The following TMC2 variants were observed in gnomAD, a reference collection of about 807,000 sequenced individuals.
The protein encoded by TMC2 is transmembrane channel like 2.
TMC2 carries 102 observed loss-of-function variants against 105.9 expected under a neutral mutation model. The ratio of observed to expected loss-of-function variants is 0.96; its 90% CI spans 0.82 to 1.14. The LOEUF (loss-of-function observed/expected upper bound fraction) is 1.14, where lower values mean the gene tolerates loss of function less well. Among genes scored for constraint, TMC2 ranks in the 50% most tolerant of loss-of-function variants. The pLI, the probability that TMC2 is intolerant of heterozygous loss-of-function variation, is 0.00. For synonymous variants in TMC2, 402 were observed against 422.8 expected (o/e 0.95, Z 0.60); for missense variants, 1,093 against 1,134.3 (o/e 0.96, Z 0.52).
chr20:2,561,955 A>G lies in TMC2; in HGVS notation c.499A>G (p.Ile167Val). The change falls in exon 4 of 20, where the codon ATT (isoleucine) becomes GTT (valine). Residue 167 changes from isoleucine (I) to valine (V), a missense_variant. Physicochemically the swap from Ile to Val is conservative, Grantham distance 29. Transcript: ENST00000358864. Reference sequence around the variant, plus strand: ...GCAGGTGGAAGAAAAAAAGAAGCTCATTGCCACCATGCGGAGCAAGCCCTG... The same window carrying G: ...GCAGGTGGAAGAAAAAAAGAAGCTCGTTGCCACCATGCGGAGCAAGCCCTG... ...LEQVEEKKKLIATMRSKPWPM... is the reference protein window; with the variant it reads ...LEQVEEKKKLVATMRSKPWPM... The G allele has an allele frequency of 1.9e-6, 3 of 1,614,216 alleles. No homozygotes were observed. The highest frequency in any genetic ancestry group is 2.5e-6 in the Non-Finnish European group (3 of 1,179,998).
rs532410914 is a variant in TMC2, at chr20:2,565,576, G to A, written c.554+3566G>A. On this transcript the variant is annotated intron_variant, in intron 4 of 19. Coordinates refer to ENST00000358864, the MANE Select transcript of TMC2 (RefSeq NM_080751.3). Reference sequence around the variant, plus strand: ...CCAGAATTACCAGACATTCGAGAACGCAACCCCTTTGCTACCAGTATGATT... The same window carrying A: ...CCAGAATTACCAGACATTCGAGAACACAACCCCTTTGCTACCAGTATGATT... Among the ~76,000 whole-genome samples the A allele has an allele frequency of 1.2e-3, 187 of 152,244 alleles. No individual in the cohort carries two copies. The Middle Eastern group carries it at 0.027, about 22-fold the overall frequency.
chr20:2,602,289 T>G lies in TMC2; in HGVS notation c.1401T>G (p.Tyr467Ter). The G allele has an allele frequency of 6.3e-7, 1 of 1,596,708 alleles. No individual in the cohort carries two copies. Among genetic ancestry groups the G allele is most frequent in the Non-Finnish European group, 8.5e-7 (1 of 1,172,216 alleles). Residue 467 changes from tyrosine (Y) to a stop codon, truncating the protein, a stop_gained, in exon 11 of 20, where the codon TAT (tyrosine) becomes TAG (stop). Transcript: ENST00000358864. LOFTEE classifies it high-confidence loss of function. ...CCAAAATGCAGAATGTCAGCTGGTA[T>G]GAAAGGAATGAGGTAAGAAAAACAT... ...QFSKMQNVSW[Y>*]ERNEVEIVMS...
At position 2,608,342 on chromosome 20, in the gene TMC2, A is replaced by ATTATTT. The variant is rs1171627673; in HGVS notation, c.1414-2075_1414-2074insATTTTT. On this transcript the variant is annotated intron_variant, in intron 11 of 19. Transcript: ENST00000358864. ...TATTATTATTATTATTATTATTATT[A>ATTATTT]TTTGAGATGAAGTCTTGCTCTGTCA... Among the ~76,000 whole-genome samples the ATTATTT allele has an allele frequency of 2.9e-3, 415 of 142,436 alleles. 2 individuals carry two copies. Among genetic ancestry groups the ATTATTT allele is most frequent in the African/African-American group, 8.2e-3 (306 of 37,130 alleles). The allele number at this position is 142,436 out of a possible 152,430, so 93.4% of individuals were successfully genotyped here.
chr20:2,600,287 C>T (rs1230663379), intron 10 of TMC2, among the ~76,000 whole-genome samples: 1 of 152,164 alleles, frequency 6.6e-6, no homozygotes, highest in Non-Finnish European at 1.5e-5. Flanking sequence ...TCTGGGAGAG[C>T]TCATTTTTCA....
At position 2,592,021 on chromosome 20, in the gene TMC2, A is replaced by C. The variant is rs1333899707; in HGVS notation, c.835-289A>C. ...ATACAAAACAGCCAGGCATGTTGGCAGGCACCTGTAATCCCAGCTACTCGG... is the reference window on the plus strand; with the variant it reads ...ATACAAAACAGCCAGGCATGTTGGCCGGCACCTGTAATCCCAGCTACTCGG... On this transcript the variant is annotated intron_variant, in intron 7 of 19. Coordinates refer to ENST00000358864, the MANE Select transcript of TMC2 (RefSeq NM_080751.3). The surrounding 1 kb of genome is among the most constrained non-coding windows in gnomAD (Gnocchi z 4.9). Among the ~76,000 whole-genome samples the C allele has an allele frequency of 6.6e-6, 1 of 152,122 alleles. No individual in the cohort carries two copies. The highest frequency in any genetic ancestry group is 1.5e-5 in the Non-Finnish European group (1 of 68,008).
At position 2,641,256 on chromosome 20, in the gene TMC2, C is replaced by G. The variant is rs761993410; in HGVS notation, c.2626C>G (p.Pro876Ala). ...CTCTGGACACCTTCCTATATCTCGGCCCCCTGGAATCGGACCAGATTCTGG... is the reference window on the plus strand; with the variant it reads ...CTCTGGACACCTTCCTATATCTCGGGCCCCTGGAATCGGACCAGATTCTGG... ...PASGHLPISR[P>A]PGIGPDSGHA... The change falls in exon 20 of 20, where the codon CCC (proline) becomes GCC (alanine). Residue 876 changes from proline (P) to alanine (A), a missense_variant. Coordinates refer to ENST00000358864, the MANE Select transcript of TMC2 (RefSeq NM_080751.3). 1.2e-6 allele frequency: 2 copies of G among 1,614,068 alleles called. No homozygotes were observed. The highest frequency in any genetic ancestry group is 1.3e-5 in the African/African-American group (1 of 75,024).
At chr20:2,624,855 CA>C (rs1281948764) in intron 17 of TMC2, among the ~76,000 whole-genome samples, 1 of 152,152 alleles carries the variant, frequency 6.6e-6, no homozygotes, top group East Asian at 1.9e-4. Context: ...CTAAAATGCT[CA>C]CTAGAAATAT....
intron 6 of TMC2, among the ~76,000 whole-genome samples, chr20:2,579,713 C>T (rs758034087): frequency 2.0e-5 from 3 of 151,896 alleles, no homozygotes; most frequent in African/African-American, 7.3e-5. Context: ...CGTGAGCCAC[C>T]GCACTCATCC....
chr20:2,538,898 C>T (rs1467862441), intron 2 of TMC2, among the ~76,000 whole-genome samples: 3 of 152,200 alleles, frequency 2.0e-5, no homozygotes, highest in African/African-American at 7.2e-5. Context: ...TATTCTCATC[C>T]TTCCCTTTAT....
chr20:2,576,918 T>G lies in TMC2; in HGVS notation c.646-2228T>G, dbSNP rs557687318. ...CTTCTTGGTTTTTTTTTTTTGTTTTTTTTTTTTTGAGATGGAGTCTCGCTC... is the reference window on the plus strand; with the variant it reads ...CTTCTTGGTTTTTTTTTTTTGTTTTGTTTTTTTTGAGATGGAGTCTCGCTC... On this transcript the variant is annotated intron_variant, in intron 5 of 19. Coordinates refer to ENST00000358864, the MANE Select transcript of TMC2 (RefSeq NM_080751.3). 7.6e-4 allele frequency among the ~76,000 whole-genome samples: 114 copies of G among 149,060 alleles called. 1 individual carries two copies. The highest frequency in any genetic ancestry group is 2.6e-3 in the African/African-American group (105 of 40,294).
At chr20:2,546,942 T>C (rs1354862334) in intron 2 of TMC2, among the ~76,000 whole-genome samples, 1 of 152,136 alleles carries the variant, frequency 6.6e-6, no homozygotes, top group East Asian at 1.9e-4. Flanking sequence ...ATGTCTATAA[T>C]GATTAAGCAT....
chr20:2,572,304 G>T, intron 5 of TMC2, 35 bp downstream of exon 5: 1 of 1,540,466 alleles, frequency 6.5e-7, no homozygotes, highest in Non-Finnish European at 9.0e-7. Context: ...CTGTTGGGAG[G>T]GCTTGCTCAG....
chr20:2,555,156 C>T lies in TMC2; in HGVS notation c.83-3300C>T, dbSNP rs186230664. ...AGTGCAATGGTGCCATCTCTCCTCA[C>T]TACAACCTCACCCTCCTGGGTTCAA... On this transcript the variant is annotated intron_variant, in intron 2 of 19. Transcript: ENST00000358864. Among the ~76,000 whole-genome samples the T allele has an allele frequency of 1.4e-3, 209 of 152,294 alleles. 3 individuals carry two copies. Among genetic ancestry groups the T allele is most frequent in the African/African-American group, 4.8e-3 (199 of 41,552 alleles).
At chr20:2,572,102 G>A (rs2086107445) in intron 4 of TMC2, 77 bp from the exon 5 acceptor site, 1 of 1,108,622 alleles carries the variant, frequency 9.0e-7, no homozygotes. Context: ...TCACACATGT[G>A]TTTGAGGCTT....
chr20:2,588,717 G>GTGTGTGTGTGTGTGTGTC lies in TMC2; in HGVS notation c.835-3588_835-3587insGTGTGTGTGTGTCTGTGT, dbSNP rs1213895827. ...TGTGTGTGTGTGTGTGTGTGTGTGTGTGTGTCTTGTCTCAGTGAGCCTTGT... is the reference window on the plus strand; with the variant it reads ...TGTGTGTGTGTGTGTGTGTGTGTGTGTGTGTGTGTGTGTGTGTCTGTGTCTTGTCTCAGTGAGCCTTGT... On this transcript the variant is annotated intron_variant, in intron 7 of 19. Coordinates refer to ENST00000358864, the MANE Select transcript of TMC2 (RefSeq NM_080751.3). Among the ~76,000 whole-genome samples, 1,108 of 151,752 alleles carry GTGTGTGTGTGTGTGTGTC rather than the reference G, an allele frequency of 7.3e-3. 10 individuals carry two copies. The highest frequency in any genetic ancestry group is 0.013 in the Non-Finnish European group (857 of 67,886).
intron 5 of TMC2, 127 bp from the exon 6 acceptor site, chr20:2,579,019 G>A (rs2086167617): frequency 1.5e-6 from 1 of 654,550 alleles, no homozygotes; most frequent in Non-Finnish European, 2.8e-6. Context: ...GCTGGGGACT[G>A]CAAGACAGCA....
Position 2,558,160 on chromosome 20 carries a change from G to A in TMC2, c.83-296G>A. ...TGTTCCGATTCCTCTTGGCCTCTCT[G>A]TGTGACTTTCCTTTCCTTGGGTATA... On this transcript the variant is annotated intron_variant, in intron 2 of 19. Transcript: ENST00000358864. The surrounding 1 kb of genome is among the most constrained non-coding windows in gnomAD (Gnocchi z 4.6). The A allele has an allele frequency of 2.1e-6, 1 of 479,016 alleles. No individual in the cohort carries two copies. The highest frequency in any genetic ancestry group is 3.6e-6 in the Non-Finnish European group (1 of 280,468). The allele number at this position is 479,016 out of a possible 1,614,324, so 29.7% of individuals were successfully genotyped here.
chr20:2,618,930 C>T (rs1472158633), intron 16 of TMC2, among the ~76,000 whole-genome samples: 3 of 152,154 alleles, frequency 2.0e-5, no homozygotes, highest in African/African-American at 4.8e-5. Flanking sequence ...ATGGATCACT[C>T]ATCCAGGGCT....
At chr20:2,598,299 C>T (rs1409790650) in intron 10 of TMC2, among the ~76,000 whole-genome samples, 1 of 152,076 alleles carries the variant, frequency 6.6e-6, no homozygotes, top group African/African-American at 2.4e-5. Context: ...GCAATATGGT[C>T]TGTGCAGATC....
Sources: allele counts gnomAD v4.1 joint callset (sites outside exome capture counted in the v4.1 genomes callset), GRCh38; gene constraint gnomAD v4.1.1; non-coding constraint Gnocchi (gnomAD v3.1); transcripts MANE v1.5; gene names NCBI Gene and HGNC (gene_info 2026-07-23, HGNC 2026-07-21).